Variants in GABPB1 observed in about 807,000 individuals in gnomAD.
The protein encoded by GABPB1 is GA binding protein transcription factor subunit beta 1.
GABPB1 carries 15 observed loss-of-function variants against 45.9 expected under a neutral mutation model. That is an observed-to-expected ratio of 0.33 (90% CI 0.22 to 0.50). GABPB1 has a LOEUF of 0.50. Among genes scored for constraint, GABPB1 ranks in the 20% least tolerant of loss-of-function variants. The pLI is 0.98. For synonymous variants in GABPB1, 143 were observed against 154.4 expected, an observed-to-expected ratio of 0.93 and a Z score of 0.55; for missense variants, 252 against 457.5, an observed-to-expected ratio of 0.55 and a Z score of 4.10.
chr15:50,333,404 T>C (rs2048009623), intron 1 of GABPB1, among the ~76,000 whole-genome samples: 1 of 152,182 alleles, frequency 6.6e-6, no homozygotes, highest in African/African-American at 2.4e-5. Flanking sequence ...TATCATTATA[T>C]TATCACATTA....
Position 50,305,293 on chromosome 15 carries a change from TCTATAGATAGAG to T in GABPB1, c.109-1172_109-1161del, listed in dbSNP as rs780720802. 3.8e-3 allele frequency among the ~76,000 whole-genome samples: 579 copies of T among 151,678 alleles called. 1 individual carries two copies. Among genetic ancestry groups the T allele is most frequent in the African/African-American group, 0.013 (549 of 41,232 alleles). The stretch of plus-strand genomic sequence containing the variant: ...TTAGTCCTATCTCTCTATCTATCTA[TCTATAGATAGAG>T]AGATAGATATATTTTTTGTTTGTTT... On this transcript the variant is annotated intron_variant, in intron 2 of 8. Transcript: ENST00000380877.
intron 8 of GABPB1, among the ~76,000 whole-genome samples, chr15:50,280,726 C>A (rs2045946225): frequency 6.6e-6 from 1 of 150,836 alleles, no homozygotes; most frequent in South Asian, 2.1e-4. Flanking sequence ...GGTGACAGAG[C>A]AAGACCTTGT....
At chr15:50,293,017 A>G (rs1166427714) in intron 6 of GABPB1, among the ~76,000 whole-genome samples, 5 of 152,214 alleles carry the variant, frequency 3.3e-5, no homozygotes, top group African/African-American at 1.2e-4. Flanking sequence ...AACTAGTTCA[A>G]AAAGAGGAAT....
chr15:50,327,803 G>A (rs866924374), intron 1 of GABPB1, among the ~76,000 whole-genome samples: 3 of 152,110 alleles, frequency 2.0e-5, no homozygotes, highest in African/African-American at 4.8e-5. Context: ...GGAGGCTGAG[G>A]CAGGAGAATC....
intron 1 of GABPB1, among the ~76,000 whole-genome samples, chr15:50,345,482 A>T (rs781227801): frequency 2.4e-4 from 36 of 152,160 alleles, no homozygotes; most frequent in Non-Finnish European, 2.2e-4. Flanking sequence ...TAGGAGGATC[A>T]CCTGAGCCTG....
At chr15:50,281,210 T>C (rs1331171110) in intron 8 of GABPB1, among the ~76,000 whole-genome samples, 1 of 152,146 alleles carries the variant, frequency 6.6e-6, no homozygotes, top group East Asian at 1.9e-4. Context: ...TAATTAACAC[T>C]ATAATTTTTT....
intron 1 of GABPB1, among the ~76,000 whole-genome samples, chr15:50,317,076 T>G (rs565738672): frequency 2.6e-5 from 4 of 152,194 alleles, no homozygotes; most frequent in African/African-American, 9.6e-5. Flanking sequence ...GGACTCTAAG[T>G]TGTATATATA....
intron 1 of GABPB1, among the ~76,000 whole-genome samples, chr15:50,320,859 G>A (rs1292512872): frequency 6.6e-6 from 1 of 152,104 alleles, no homozygotes; most frequent in Non-Finnish European, 1.5e-5. Flanking sequence ...ATGGAGGAAG[G>A]GGTCACAGGT....
chr15:50,300,948 C>T, intron 5 of GABPB1, 46 bp from the exon 6 acceptor site: 1 of 1,135,634 alleles, frequency 8.8e-7, no homozygotes, highest in East Asian at 2.4e-5. Context: ...GGAGCTTAAT[C>T]CAATGCATAT....
rs1297157973 is a variant in GABPB1 at position 50,300,436 on chromosome 15, G to GTTTTTTTTTTTTTTTTTTTTT, written c.697+332_697+352dup. On this transcript the variant is annotated intron_variant, in intron 6 of 8. Transcript: ENST00000380877. ...ATATTTGAATCTGCAACTGTTTTTGGTTTTTTTTTTTTTTTTTTTTTTTTG... is the reference window on the plus strand; with the variant it reads ...ATATTTGAATCTGCAACTGTTTTTGGTTTTTTTTTTTTTTTTTTTTTTTTTTTTTTTTTTTTTTTTTTTTTG... Among the ~76,000 whole-genome samples, 25 of 40,800 alleles carry GTTTTTTTTTTTTTTTTTTTTT rather than the reference G, an allele frequency of 6.1e-4. 6 individuals are homozygous for GTTTTTTTTTTTTTTTTTTTTT. Among genetic ancestry groups the GTTTTTTTTTTTTTTTTTTTTT allele is most frequent in the Non-Finnish European group, 8.3e-4 (21 of 25,402 alleles). The allele number at this position is 40,800 out of a possible 152,430, so 26.8% of individuals were successfully genotyped here.
At chr15:50,301,015 T>TTTGAAAGGTAATACTGCAGTAAA in intron 5 of GABPB1, 113 bp from the exon 6 acceptor site, 2 of 817,818 alleles carry the variant, frequency 2.4e-6, no homozygotes, top group Admixed American at 2.5e-5. Flanking sequence ...AGCATTAGCT[T>TTTGAAAGGTAATACTGCAGTAAA]TTGAAAGGTA....
chr15:50,301,110 C>T, intron 5 of GABPB1, 147 bp downstream of exon 5: 1 of 1,191,150 alleles, frequency 8.4e-7, no homozygotes, highest in Non-Finnish European at 1.2e-6. Context: ...CCAAAGAAAA[C>T]AAAGGTGGCT....
At chr15:50,296,522 T>C (rs1250598371) in intron 6 of GABPB1, among the ~76,000 whole-genome samples, 5 of 152,198 alleles carry the variant, frequency 3.3e-5, no homozygotes, top group Non-Finnish European at 5.9e-5. Flanking sequence ...GTGAATAAAC[T>C]GCATAGGAGA....
At position 50,346,350 on chromosome 15, in the gene GABPB1, A is replaced by G. The variant is rs1391427235; in HGVS notation, c.-1+8635T>C. On this transcript the variant is annotated intron_variant, in intron 1 of 8. Coordinates refer to ENST00000380877, the MANE Select transcript of GABPB1 (RefSeq NM_016654.5). ...GTTCAGCGTAAATTTATAGTGGCCA[A>G]GAAATCTTCATAATTACTCACCTTC... The G allele has an allele frequency of 3.9e-5, 6 of 152,232 alleles. No homozygotes were observed. The East Asian group carries it at 1.2e-3, about 29-fold the overall frequency. The allele number at this position is 152,232 out of a possible 1,614,324, so 9.4% of individuals were successfully genotyped here.
intron 3 of GABPB1, among the ~76,000 whole-genome samples, 191 bp downstream of exon 3, chr15:50,303,775 T>A (rs749905000): frequency 1.8e-4 from 28 of 151,648 alleles, no homozygotes; most frequent in Non-Finnish European, 3.5e-4. Context: ...ACTAAGAATA[T>A]ACCTAAATGA....
At chr15:50,301,054 T>C in intron 5 of GABPB1, 152 bp from the exon 6 acceptor site, 1 of 840,764 alleles carries the variant, frequency 1.2e-6, no homozygotes, top group East Asian at 2.6e-5. Flanking sequence ...TAATATCACC[T>C]TTCTTCAGAT....
chr15:50,294,188 T>C (rs1025838891), intron 6 of GABPB1, among the ~76,000 whole-genome samples: 4 of 152,132 alleles, frequency 2.6e-5, no homozygotes, highest in South Asian at 2.1e-4. Flanking sequence ...TCCTAAAAGA[T>C]TGAAAATTCT....
chr15:50,307,828 C>A (rs1203886263), intron 2 of GABPB1, among the ~76,000 whole-genome samples: 3 of 152,202 alleles, frequency 2.0e-5, no homozygotes, highest in South Asian at 2.1e-4. Flanking sequence ...TGTGGGCTGC[C>A]ATCTTTCATC....
chr15:50,342,697 T>C (rs1417463284), intron 1 of GABPB1, among the ~76,000 whole-genome samples: 3 of 152,228 alleles, frequency 2.0e-5, no homozygotes, highest in Non-Finnish European at 2.9e-5. Context: ...AATATCAGCA[T>C]ATATCAAATG....
Sources: gnomAD v4.1 joint callset for allele counts (sites outside exome capture counted in the v4.1 genomes callset) on GRCh38, gnomAD v4.1.1 for gene constraint, MANE v1.5 for transcripts, NCBI Gene and HGNC (gene_info 2026-07-23, HGNC 2026-07-21) for gene names.